The following DAB1 variants were observed in gnomAD, a reference collection of about 807,000 sequenced individuals.
DAB1 encodes DAB adaptor protein 1.
A neutral mutation model predicts 64.6 loss-of-function variants in DAB1; 15 were observed. The ratio of observed to expected loss-of-function variants is 0.23; its 90% CI spans 0.16 to 0.36. DAB1 has a LOEUF of 0.36. Ranked by LOEUF, DAB1 falls within the 10% of genes least tolerant of loss-of-function variation. The probability of loss-of-function intolerance (pLI) is 1.00; values close to 1 mark genes in which losing one functional copy is unlikely to be tolerated. For missense variants in DAB1, 596 were observed against 706.7 expected (o/e 0.84, Z 1.78); for synonymous variants, 235 against 251.9 (o/e 0.93, Z 0.64).
chr1:57,708,384 A>G (rs1206216759), intron 6 of DAB1, among the ~76,000 whole-genome samples: 3 of 152,206 alleles, frequency 2.0e-5, no homozygotes, highest in Non-Finnish European at 4.4e-5. Context: ...CCTCAAGTGG[A>G]AGGAGTCTCT....
intron 7 of DAB1, among the ~76,000 whole-genome samples, chr1:57,491,657 A>G (rs1644167200): frequency 6.6e-6 from 1 of 152,162 alleles, no homozygotes; most frequent in Non-Finnish European, 1.5e-5. Context: ...ACTTGCACCA[A>G]TAGTTCACCA....
intron 9 of DAB1, among the ~76,000 whole-genome samples, chr1:57,060,322 T>C (rs1650261093): frequency 6.6e-6 from 1 of 151,872 alleles, no homozygotes; most frequent in African/African-American, 2.4e-5. Context: ...GGCTAATGTT[T>C]TGTATTTTTA....
chr1:58,041,530 T>C (rs1647136427), intron 5 of DAB1, among the ~76,000 whole-genome samples: 1 of 152,198 alleles, frequency 6.6e-6, no homozygotes, highest in Admixed American at 6.5e-5. Context: ...ACCATCCCTG[T>C]GTTACAGTTG....
At chr1:58,160,808 C>T (rs181707463) in intron 4 of DAB1, among the ~76,000 whole-genome samples, 79 of 152,278 alleles carry the variant, frequency 5.2e-4, no homozygotes, top group African/African-American at 1.9e-3. Flanking sequence ...GTTTGGAATA[C>T]TGGGCCCCAA....
intron 3 of DAB1, among the ~76,000 whole-genome samples, chr1:58,405,649 T>C (rs762904388): frequency 3.9e-5 from 6 of 152,224 alleles, no homozygotes; most frequent in Non-Finnish European, 5.9e-5. Flanking sequence ...TTGTTTATTT[T>C]AAGGCCACCT....
At position 58,252,513 on chromosome 1, in the gene DAB1, G is replaced by GA. The variant is rs200202324; in HGVS notation, n.309+90838_309+90839insT. On this transcript the variant is annotated intron_variant and non_coding_transcript_variant, in intron 4 of 20. Coordinates refer to the DAB1 transcript ENST00000485760. ...TGTAGAGCCAGAGATGGCAAGAAAGGGAAACAGACAGTCCTTTCTCTCTTA... is the reference window on the plus strand; with the variant it reads ...TGTAGAGCCAGAGATGGCAAGAAAGGAGAAACAGACAGTCCTTTCTCTCTTA... Among the ~76,000 whole-genome samples, 613 of 152,062 alleles carry GA rather than the reference G, an allele frequency of 4.0e-3. 2 individuals are homozygous for GA. Among genetic ancestry groups the GA allele is most frequent in the African/African-American group, 0.014 (584 of 41,458 alleles).
chr1:57,180,672 C>T lies in DAB1; in HGVS notation c.68-35243G>A, dbSNP rs575829930. Among the ~76,000 whole-genome samples, 142 of 152,040 alleles carry T rather than the reference C, an allele frequency of 9.3e-4. 1 individual carries two copies. Among genetic ancestry groups the T allele is most frequent in the African/African-American group, 2.6e-3 (106 of 41,480 alleles). The stretch of plus-strand genomic sequence containing the variant: ...CACTGAAATGCAAATAAAAGGACTC[C>T]CCCCCACAACAAACACACACACACA... On this transcript the variant is annotated intron_variant, in intron 2 of 14. Transcript: ENST00000371236.
chr1:57,483,040 T>C (rs1032551493), intron 7 of DAB1, among the ~76,000 whole-genome samples: 6 of 152,194 alleles, frequency 3.9e-5, no homozygotes, highest in African/African-American at 1.2e-4. Context: ...GCTTATGATA[T>C]CTTAAATAGA....
At chr1:57,992,481 G>T (rs1333093029) in intron 5 of DAB1, among the ~76,000 whole-genome samples, 4 of 152,166 alleles carry the variant, frequency 2.6e-5, no homozygotes, top group Non-Finnish European at 5.9e-5. Flanking sequence ...CACTACCCAG[G>T]AGTAAGAAAG....
chr1:58,239,504 C>T (rs2100373662), intron 4 of DAB1, among the ~76,000 whole-genome samples: 1 of 152,244 alleles, frequency 6.6e-6, no homozygotes. Context: ...CTACAGCAAA[C>T]CCAATCCCAG....
chr1:57,304,143 A>G (rs1300570599), intron 1 of DAB1, among the ~76,000 whole-genome samples: 2 of 152,322 alleles, frequency 1.3e-5, no homozygotes, highest in Admixed American at 1.3e-4. Flanking sequence ...GCTTTTACTC[A>G]TAGCAGAAGG....
At chr1:57,637,338 G>T (rs11800684) in intron 7 of DAB1, among the ~76,000 whole-genome samples, 40,122 of 152,066 alleles carry the variant, frequency 0.26, 5,513 homozygotes, top group Admixed American at 0.34. Context: ...TGTTGTCAGC[G>T]TAATGATAAA....
At chr1:57,807,444 C>T (rs1651416431) in intron 6 of DAB1, among the ~76,000 whole-genome samples, 1 of 152,146 alleles carries the variant, frequency 6.6e-6, no homozygotes, top group Admixed American at 6.6e-5. Context: ...AGGCCCCTGA[C>T]CAAATTAAAG....
intron 9 of DAB1, among the ~76,000 whole-genome samples, chr1:57,032,659 A>G (rs1647001013): frequency 6.6e-6 from 1 of 152,168 alleles, no homozygotes; most frequent in Non-Finnish European, 1.5e-5. Context: ...CCCACCCCTA[A>G]AGATTCAGAA....
chr1:57,084,875 G>A (rs768912299), intron 4 of DAB1, among the ~76,000 whole-genome samples: 1 of 152,164 alleles, frequency 6.6e-6, no homozygotes. Context: ...AAACCACTGA[G>A]GTGGTGGGCT....
chr1:58,008,947 A>G (rs1390340589), intron 5 of DAB1, among the ~76,000 whole-genome samples: 5 of 152,100 alleles, frequency 3.3e-5, no homozygotes, highest in Non-Finnish European at 5.9e-5. Context: ...ACTCACTACC[A>G]TATGTATTGG....
intron 1 of DAB1, among the ~76,000 whole-genome samples, chr1:57,410,990 G>A (rs1684059004): frequency 6.6e-6 from 1 of 152,130 alleles, no homozygotes; most frequent in South Asian, 2.1e-4. Context: ...ACTGTTGGAG[G>A]GAAATGAATA....
At chr1:58,106,380 C>A (rs1651643028) in intron 5 of DAB1, among the ~76,000 whole-genome samples, 1 of 152,116 alleles carries the variant, frequency 6.6e-6, no homozygotes. Context: ...GACAGGGTCT[C>A]ATTATGTTGC....
intron 5 of DAB1, among the ~76,000 whole-genome samples, chr1:57,977,581 A>C (rs552389618): frequency 6.6e-6 from 1 of 152,218 alleles, no homozygotes; most frequent in African/African-American, 2.4e-5. Context: ...AATTTGGCAC[A>C]TAGTGAACAC....
Sources: allele counts gnomAD v4.1 joint callset (sites outside exome capture counted in the v4.1 genomes callset), GRCh38; gene constraint gnomAD v4.1.1; transcripts MANE v1.5; gene names NCBI Gene and HGNC (gene_info 2026-07-23, HGNC 2026-07-21).